Variants in TFDP1 observed in about 807,000 individuals in gnomAD.
TFDP1 encodes the protein DRTF1-polypeptide 1.
A neutral mutation model predicts 48.0 loss-of-function variants in TFDP1; 6 were observed. The ratio of observed to expected loss-of-function variants is 0.13; its 90% CI spans 0.07 to 0.25. The LOEUF is 0.25. Among genes scored for constraint, TFDP1 ranks in the 10% least tolerant of loss-of-function variants. The pLI, the probability that TFDP1 is intolerant of heterozygous loss-of-function variation, is 1.00. For missense variants in TFDP1, 335 were observed against 543.0 expected (o/e 0.62, Z 3.81); for synonymous variants, 201 against 211.6 (o/e 0.95, Z 0.44).
Position 113,601,666 on chromosome 13 carries a change from G to A in TFDP1, c.13-9330G>A, listed in dbSNP as rs77574003. On this transcript the variant is annotated intron_variant, in intron 2 of 11. Transcript: ENST00000375370. ...GGTCCAGGAGGACTCGTGGGAGCTCGAGGCTGGGGTCCCAGGCCCGGCCCC... is the reference window on the plus strand; with the variant it reads ...GGTCCAGGAGGACTCGTGGGAGCTCAAGGCTGGGGTCCCAGGCCCGGCCCC... 4.5e-3 allele frequency among the ~76,000 whole-genome samples: 693 copies of A among 152,330 alleles called. 3 individuals are homozygous for A. Among genetic ancestry groups the A allele is most frequent in the African/African-American group, 0.016 (648 of 41,576 alleles).
chr13:113,613,502 C>T (rs2048759829), intron 3 of TFDP1, among the ~76,000 whole-genome samples: 1 of 152,162 alleles, frequency 6.6e-6, no homozygotes, highest in African/African-American at 2.4e-5. Context: ...TTGGTGTTTG[C>T]ATGTGTCTGT....
chr13:113,613,275 A>G (rs944428563), intron 3 of TFDP1, among the ~76,000 whole-genome samples: 31 of 152,258 alleles, frequency 2.0e-4, no homozygotes, highest in African/African-American at 7.5e-4. Context: ...TGGCCTCCCA[A>G]AGTGCTGGGA....
chr13:113,622,937 G>C (rs2049030956), intron 3 of TFDP1, among the ~76,000 whole-genome samples: 1 of 152,286 alleles, frequency 6.6e-6, no homozygotes, highest in Non-Finnish European at 1.5e-5. Context: ...GGCTGGAGCA[G>C]TGGATGATCT....
At chr13:113,635,412 G>T (rs551885622) in intron 8 of TFDP1, among the ~76,000 whole-genome samples, 1 of 152,176 alleles carries the variant, frequency 6.6e-6, no homozygotes, top group African/African-American at 2.4e-5. Flanking sequence ...CAGGGTGGCC[G>T]GGAGAGGAAG....
Position 113,640,792 on chromosome 13 carries a change from T to C in TFDP1, c.*525T>C, listed in dbSNP as rs2049622910. On this transcript the variant is annotated 3_prime_UTR_variant, in exon 12 of 12. Transcript: ENST00000375370. Reference sequence around the variant, plus strand: ...CCAAGCAAACAGCAGAATTCAACTTTTTAAACAATAAACACCATCAACCTT... The same window carrying C: ...CCAAGCAAACAGCAGAATTCAACTTCTTAAACAATAAACACCATCAACCTT... 6.2e-6 allele frequency: 1 copy of C among 160,602 alleles called. No homozygotes were observed. The highest frequency in any genetic ancestry group is 2.4e-5 in the African/African-American group (1 of 41,494). The allele number at this position is 160,602 out of a possible 1,614,324, so 9.9% of individuals were successfully genotyped here. A position where few individuals can be genotyped will look rare whatever the true frequency, so the allele number is the denominator to read the frequency against.
chr13:113,640,373 T>G lies in TFDP1; in HGVS notation c.*106T>G. On this transcript the variant is annotated 3_prime_UTR_variant, in exon 12 of 12. Transcript: ENST00000375370. Reference sequence around the variant, plus strand: ...CTTTTGGCCTACTCCCAAGAAGATATTGGTAAGCTATTGAATTTAGATATG... The same window carrying G: ...CTTTTGGCCTACTCCCAAGAAGATAGTGGTAAGCTATTGAATTTAGATATG... 6.7e-7 allele frequency: 1 copy of G among 1,500,080 alleles called. No individual in the cohort carries two copies. Among genetic ancestry groups the G allele is most frequent in the Admixed American group, 2.4e-5 (1 of 42,490 alleles). 92.9% of individuals were successfully genotyped at this position (1,500,080 alleles called of 1,614,324 possible).
intron 2 of TFDP1, among the ~76,000 whole-genome samples, chr13:113,592,032 G>T (rs767808690): frequency 1.3e-4 from 20 of 152,206 alleles, no homozygotes; most frequent in Non-Finnish European, 1.8e-4. Flanking sequence ...GTGAGGACAG[G>T]GACTATGGCT....
At chr13:113,620,938 T>C (rs545420198) in intron 3 of TFDP1, among the ~76,000 whole-genome samples, 13 of 152,380 alleles carry the variant, frequency 8.5e-5, no homozygotes, top group African/African-American at 2.9e-4. Flanking sequence ...CCTAATGATC[T>C]GTCTTGGCCA....
At position 113,613,569 on chromosome 13, in the gene TFDP1, CGAGTGTGTGTGTGCAT is replaced by C. The variant is rs760298270; in HGVS notation, c.79+2521_79+2536del. On this transcript the variant is annotated intron_variant, in intron 3 of 11. Transcript: ENST00000375370. Reference sequence around the variant, plus strand: ...ATGTGTGTGTCACTGAGTGTGCATACGAGTGTGTGTGTGCATGAGTGTGTGTGTGTATGCGTGAATG... The same window carrying C: ...ATGTGTGTGTCACTGAGTGTGCATACGAGTGTGTGTGTGTATGCGTGAATG... Among the ~76,000 whole-genome samples, 14 of 130,962 alleles carry C rather than the reference CGAGTGTGTGTGTGCAT, an allele frequency of 1.1e-4. 1 individual carries two copies. Among genetic ancestry groups the C allele is most frequent in the Non-Finnish European group, 1.9e-4 (12 of 63,796 alleles). 85.9% of individuals were successfully genotyped at this position (130,962 alleles called of 152,430 possible). A position where few individuals can be genotyped will look rare whatever the true frequency, so the allele number is the denominator to read the frequency against.
chr13:113,628,413 G>T (rs777556098), intron 4 of TFDP1, among the ~76,000 whole-genome samples: 16 of 152,286 alleles, frequency 1.1e-4, no homozygotes, highest in Non-Finnish European at 1.8e-4. Flanking sequence ...GACCTGTGGG[G>T]CCTGGGTCAC....
chr13:113,634,899 A>G (rs562746655), intron 8 of TFDP1, among the ~76,000 whole-genome samples: 3 of 151,254 alleles, frequency 2.0e-5, no homozygotes, highest in Admixed American at 6.6e-5. Flanking sequence ...GTGTGCGTGC[A>G]TGTGCCTGTG....
At chr13:113,634,414 C>T (rs895729782) in intron 7 of TFDP1, 120 bp from the exon 8 acceptor site, 2 of 849,576 alleles carry the variant, frequency 2.4e-6, no homozygotes, top group South Asian at 1.6e-5. Flanking sequence ...TGTCCATATC[C>T]CTTCGATTAC....
chr13:113,626,688 C>T (rs2049188346), intron 4 of TFDP1, among the ~76,000 whole-genome samples: 2 of 152,218 alleles, frequency 1.3e-5, no homozygotes, highest in South Asian at 4.1e-4. Context: ...GGAAGCCCTA[C>T]CACGTCATAC....
chr13:113,637,715 C>T (rs757256847), intron 10 of TFDP1, 103 bp from the exon 11 acceptor site: 13 of 1,595,948 alleles, frequency 8.1e-6, no homozygotes, highest in Middle Eastern at 1.6e-4. Context: ...GAAGCTTCTA[C>T]AGCCGTCTGT....
At chr13:113,618,988 G>A (rs1264207563) in intron 3 of TFDP1, among the ~76,000 whole-genome samples, 1 of 152,182 alleles carries the variant, frequency 6.6e-6, no homozygotes, top group Non-Finnish European at 1.5e-5. Flanking sequence ...GTACGTCCCT[G>A]CAGGCCCTGG....
At chr13:113,592,771 C>G (rs886776772) in intron 2 of TFDP1, among the ~76,000 whole-genome samples, 1 of 152,174 alleles carries the variant, frequency 6.6e-6, no homozygotes, top group Non-Finnish European at 1.5e-5. Flanking sequence ...TGGTCCTCAG[C>G]CCTGCCCAGG....
Position 113,636,818 on chromosome 13 carries a change from G to T in TFDP1, c.1006+118G>T, listed in dbSNP as rs368609697. The T allele has an allele frequency of 6.5e-5, 81 of 1,247,446 alleles. No individual in the cohort carries two copies. The East Asian group carries it at 1.5e-3, about 22-fold the overall frequency. The allele number at this position is 1,247,446 out of a possible 1,614,324, so 77.3% of individuals were successfully genotyped here. A position where few individuals can be genotyped will look rare whatever the true frequency, so the allele number is the denominator to read the frequency against. Reference sequence around the variant, plus strand: ...GCTGAGATCAGGCCCACGTGTGTAGGGCCAGGAGCAAAGACAAAGGGGCTG... The same window carrying T: ...GCTGAGATCAGGCCCACGTGTGTAGTGCCAGGAGCAAAGACAAAGGGGCTG... On this transcript the variant is annotated intron_variant, in intron 10 of 11. Coordinates refer to ENST00000375370, the MANE Select transcript of TFDP1 (RefSeq NM_007111.5).
rs180728014 is a variant in TFDP1 at position 113,625,829 on chromosome 13, G to T, written c.186+2543G>T. On this transcript the variant is annotated intron_variant, in intron 4 of 11. Coordinates refer to ENST00000375370, the MANE Select transcript of TFDP1 (RefSeq NM_007111.5). The stretch of plus-strand genomic sequence containing the variant: ...CCTCAGGTGTCTCACGCGTCCTCAG[G>T]TGTCTCACGCGTCCTCAGGTGTCTC... Among the ~76,000 whole-genome samples the T allele has an allele frequency of 7.7e-5, 11 of 142,044 alleles. No individual in the cohort carries two copies. The East Asian group carries it at 2.5e-3, about 32-fold the overall frequency. The allele number at this position is 142,044 out of a possible 152,430, so 93.2% of individuals were successfully genotyped here.
chr13:113,610,315 CCT>C (rs1404279603), intron 2 of TFDP1, among the ~76,000 whole-genome samples: 1 of 152,152 alleles, frequency 6.6e-6, no homozygotes, highest in Non-Finnish European at 1.5e-5. Context: ...ACGTGTGTGC[CCT>C]GACGTGTGAC....
Sources: allele counts gnomAD v4.1 joint callset (sites outside exome capture counted in the v4.1 genomes callset), GRCh38; gene constraint gnomAD v4.1.1; transcripts MANE v1.5; gene names NCBI Gene and HGNC (gene_info 2026-07-23, HGNC 2026-07-21).